The following TAS2R1 variants were observed in gnomAD, a reference collection of about 807,000 sequenced individuals.
TAS2R1 encodes taste 2 receptor member 1, also known as taste receptor type 2 member 1.
For missense variants in TAS2R1, 370 were observed against 353.4 expected, an observed-to-expected ratio of 1.05 and a Z score of -0.38; for synonymous variants, 141 against 134.2, an observed-to-expected ratio of 1.05 and a Z score of -0.35.
intron 1 of TAS2R1, among the ~76,000 whole-genome samples, chr5:9,663,743 T>C (rs10066582): frequency 0.18 from 27,791 of 152,184 alleles, 2,786 homozygotes; most frequent in African/African-American, 0.27. Flanking sequence ...TTTATTTGGA[T>C]AGAAAGTTTT....
At chr5:9,794,012 C>T in the TAS2R1 span, among the ~76,000 whole-genome samples, 1 of 152,128 alleles carries the variant, frequency 6.6e-6, no homozygotes, top group East Asian at 1.9e-4. Flanking sequence ...AGAATTAATA[C>T]TTTGTGTTGA....
At chr5:9,876,226 C>A in the TAS2R1 span, among the ~76,000 whole-genome samples, 18 of 145,200 alleles carry the variant, frequency 1.2e-4, no homozygotes, top group African/African-American at 4.4e-4. Flanking sequence ...GAGGAAAGGA[C>A]GACAAACCAA....
At chr5:9,845,506 T>C in the TAS2R1 span, among the ~76,000 whole-genome samples, 1 of 152,228 alleles carries the variant, frequency 6.6e-6, no homozygotes, top group East Asian at 1.9e-4. Context: ...TCTTCAGGGA[T>C]AAGGCAGTCA....
the TAS2R1 span, among the ~76,000 whole-genome samples, chr5:9,812,192 A>G: frequency 6.6e-6 from 1 of 152,122 alleles, no homozygotes; most frequent in African/African-American, 2.4e-5. Flanking sequence ...GGCAAAGACT[A>G]TACTACATCC....
rs1269822680 is a variant in TAS2R1 at position 9,629,936 on chromosome 5, T to C, written c.97A>G (p.Ile33Val). Residue 33 changes from isoleucine (I) to valine (V), a missense_variant, in exon 1 of 1, where the codon ATT becomes GTT. Transcript: ENST00000382492. The part of the protein sequence containing the change: ...TNGIIVVVNG[I>V]DLIKHRKMAP... ...ATTTTTCTGTGCTTGATCAAGTCAATGCCATTCACCACCACAATGATGCCA... is the reference window on the plus strand; with the variant it reads ...ATTTTTCTGTGCTTGATCAAGTCAACGCCATTCACCACCACAATGATGCCA... 6.2e-7 allele frequency: 1 copy of C among 1,613,792 alleles called. No individual in the cohort carries two copies.
the TAS2R1 span, among the ~76,000 whole-genome samples, chr5:9,755,972 C>T: frequency 6.6e-6 from 1 of 152,166 alleles, no homozygotes; most frequent in Non-Finnish European, 1.5e-5. Flanking sequence ...GTATTTTGTT[C>T]TCCTACCTCA....
intron 1 of TAS2R1, among the ~76,000 whole-genome samples, chr5:9,677,829 A>C (rs1032866166): frequency 1.3e-5 from 2 of 152,174 alleles, no homozygotes; most frequent in Non-Finnish European, 2.9e-5. Flanking sequence ...GTATTCACCC[A>C]ATTGATTAGA....
the TAS2R1 span, among the ~76,000 whole-genome samples, chr5:9,881,050 T>C: frequency 2.6e-5 from 4 of 152,246 alleles, no homozygotes; most frequent in African/African-American, 9.6e-5. Flanking sequence ...CACTGCTGGC[T>C]CTGAGGGATC....
At chr5:9,862,526 G>A in the TAS2R1 span, among the ~76,000 whole-genome samples, 1 of 152,138 alleles carries the variant, frequency 6.6e-6, no homozygotes, top group Non-Finnish European at 1.5e-5. Context: ...GATTTATAAA[G>A]AATCCACTAA....
At chr5:9,838,161 G>C in the TAS2R1 span, among the ~76,000 whole-genome samples, 5 of 152,112 alleles carry the variant, frequency 3.3e-5, no homozygotes, top group Non-Finnish European at 7.4e-5. Flanking sequence ...CAGATCCCTG[G>C]GTATAGACCC....
chr5:9,863,762 A>G, the TAS2R1 span, among the ~76,000 whole-genome samples: 1 of 152,234 alleles, frequency 6.6e-6, no homozygotes, highest in Non-Finnish European at 1.5e-5. Context: ...AGGATCATAT[A>G]AACAGTAATC....
chr5:9,790,383 G>A, the TAS2R1 span, among the ~76,000 whole-genome samples: 1 of 151,852 alleles, frequency 6.6e-6, no homozygotes. Context: ...CAACCATATA[G>A]TTAGCAACAA....
chr5:9,879,196 A>G, the TAS2R1 span, among the ~76,000 whole-genome samples: 1 of 152,268 alleles, frequency 6.6e-6, no homozygotes, highest in African/African-American at 2.4e-5. Context: ...GCAGAAATAC[A>G]CATGGTGAAC....
the TAS2R1 span, among the ~76,000 whole-genome samples, chr5:9,719,376 G>A: frequency 2.6e-5 from 4 of 152,078 alleles, no homozygotes; most frequent in Admixed American, 2.6e-4. Flanking sequence ...TGCAACCTTC[G>A]GAGATGTAAA....
chr5:9,775,964 C>G, the TAS2R1 span, among the ~76,000 whole-genome samples: 1,654 of 152,332 alleles, frequency 0.011, 23 homozygotes, highest in Non-Finnish European at 0.016. Flanking sequence ...CAGCTGGTGT[C>G]TCCCTAGGTT....
chr5:9,719,918 CAAAAAAA>C, the TAS2R1 span, among the ~76,000 whole-genome samples: 1 of 64,332 alleles, frequency 1.6e-5, no homozygotes, highest in South Asian at 5.7e-4. Context: ...GATTCCGATT[CAAAAAAA>C]AAAAAAAAAA....
At chr5:9,884,000 C>T in the TAS2R1 span, 1 of 152,126 alleles carries the variant, frequency 6.6e-6, no homozygotes, top group Admixed American at 6.5e-5. Context: ...CCTGTTGCAT[C>T]TTCCCTTAGT....
chr5:9,701,075 G>A (rs746048933), intron 1 of TAS2R1, among the ~76,000 whole-genome samples: 1 of 152,148 alleles, frequency 6.6e-6, no homozygotes, highest in Non-Finnish European at 1.5e-5. Flanking sequence ...TCCTGACACA[G>A]GTGAACCCCG....
At chr5:9,675,419 C>CTTTTT (rs35909213) in intron 1 of TAS2R1, among the ~76,000 whole-genome samples, 3 of 135,788 alleles carry the variant, frequency 2.2e-5, no homozygotes, top group Admixed American at 7.4e-5. Flanking sequence ...TTTTCTTTTT[C>CTTTTT]TTTTTTTTTT....
Sources: allele counts gnomAD v4.1 joint callset (sites outside exome capture counted in the v4.1 genomes callset), GRCh38; gene constraint gnomAD v4.1.1; transcripts MANE v1.5; gene names NCBI Gene and HGNC (gene_info 2026-07-23, HGNC 2026-07-21).